The following TTC14 variants were observed in gnomAD, a reference collection of about 807,000 sequenced individuals.
The protein encoded by TTC14 is tetratricopeptide repeat protein 14.
TTC14 carries 63 observed loss-of-function variants against 79.9 expected under a neutral mutation model. The observed-to-expected ratio is 0.79, with a 90% confidence interval of 0.64 to 0.97. TTC14 has a LOEUF of 0.97. TTC14 is among the 50% of genes least tolerant of loss of function. TTC14 has a pLI of 0.00. For missense variants in TTC14, 895 were observed against 894.0 expected (o/e 1.00, Z -0.01); for synonymous variants, 335 against 309.6 (o/e 1.08, Z -0.86).
downstream of TTC14, among the ~76,000 whole-genome samples, chr3:180,613,302 T>G (rs899364417): frequency 2.6e-5 from 4 of 152,200 alleles, no homozygotes; most frequent in African/African-American, 9.6e-5. Flanking sequence ...GAAGCATGAC[T>G]TTTGGATATG....
rs1328165019 is a variant in TTC14, at chr3:180,611,042, A to G, written c.*500A>G. 1 of 954,066 alleles carries G rather than the reference A, an allele frequency of 1.0e-6. No homozygotes were observed. Among genetic ancestry groups the G allele is most frequent in the Admixed American group, 6.2e-5 (1 of 16,224 alleles). 59.1% of individuals were successfully genotyped at this position (954,066 alleles called of 1,614,324 possible). A position where few individuals can be genotyped will look rare whatever the true frequency, so the allele number is the denominator to read the frequency against. ...AGTTTAAATATTACATTTTTTGCCC[A>G]ATTTTTTTTAAAATTTTTAAATGGT... On this transcript the variant is annotated 3_prime_UTR_variant, in exon 12 of 12. Coordinates refer to ENST00000296015, the MANE Select transcript of TTC14 (RefSeq NM_133462.4).
chr3:180,602,380 A>G lies in TTC14; in HGVS notation c.119A>G (p.Glu40Gly). The change falls in exon 1 of 12, where the codon GAG becomes GGG. Residue 40 changes from glutamate (E) to glycine (G), a missense_variant. Coordinates refer to ENST00000296015, the MANE Select transcript of TTC14 (RefSeq NM_133462.4). ...HFRSLLGSAA[E>G]PARGPPPQHP... ...CGTAGCCTCCTGGGGTCGGCCGCCG[A>G]GCCAGCCCGGGGCCCGCCGCCCCAG... is the stretch of plus-strand genomic sequence containing the variant. The G allele has an allele frequency of 1.2e-6, 2 of 1,610,770 alleles. No individual in the cohort carries two copies. Among genetic ancestry groups the G allele is most frequent in the Non-Finnish European group, 1.7e-6 (2 of 1,179,588 alleles).
rs966603817 is a variant in TTC14, at chr3:180,610,717, T to C, written c.*175T>C. ...AAATTTTGTTTCAGTTCTAGGTCCCTTGTCACAGCTTGGTTTTTAGACTTT... is the reference window on the plus strand; with the variant it reads ...AAATTTTGTTTCAGTTCTAGGTCCCCTGTCACAGCTTGGTTTTTAGACTTT... On this transcript the variant is annotated 3_prime_UTR_variant, in exon 12 of 12. Coordinates refer to ENST00000296015, the MANE Select transcript of TTC14 (RefSeq NM_133462.4). 1 of 1,332,276 alleles carries C rather than the reference T, an allele frequency of 7.5e-7. No individual in the cohort carries two copies. The highest frequency in any genetic ancestry group is 9.6e-7 in the Non-Finnish European group (1 of 1,043,858). The allele number at this position is 1,332,276 out of a possible 1,614,324, so 82.5% of individuals were successfully genotyped here.
Position 180,609,832 on chromosome 3 carries a change from GA to G in TTC14, c.1604del (p.Glu535GlyfsTer37), listed in dbSNP as rs1355616531. ...TCAGATAGATCAGAATAGGAAAGAT[GA>G]GTGCTACCCAGTTCCAGCTAATACT... Reference protein sequence around the residue: ...SNQIDQNRKDECYPVPANTSA... With the variant: ...SNQIDQNRKDXCYPVPANTSA... On this transcript the variant is annotated frameshift_variant, in exon 12 of 12. Transcript: ENST00000296015. LOFTEE classifies it high-confidence loss of function. The G allele has an allele frequency of 2.5e-6, 4 of 1,613,486 alleles. No homozygotes were observed. The highest frequency in any genetic ancestry group is 2.7e-5 in the African/African-American group (2 of 74,892).
intron 9 of TTC14, among the ~76,000 whole-genome samples, 186 bp from the exon 10 acceptor site, chr3:180,607,462 A>T (rs1018397756): frequency 1.3e-5 from 2 of 152,130 alleles, no homozygotes; most frequent in Non-Finnish European, 2.9e-5. Context: ...TACTAGTAAG[A>T]TTTCTGTTTA....
chr3:180,609,311 C>G (rs1214559026), intron 11 of TTC14: 5 of 1,032,220 alleles, frequency 4.8e-6, no homozygotes, highest in Non-Finnish European at 5.8e-6. Context: ...GTGAAGAAAC[C>G]ATGAACTAGA....
chr3:180,611,369 G>A (rs1361481660), downstream of TTC14, among the ~76,000 whole-genome samples: 1 of 152,134 alleles, frequency 6.6e-6, no homozygotes, highest in South Asian at 2.1e-4. Context: ...TGTAAATCTG[G>A]CTTTTCTTTA....
chr3:180,604,684 G>T, intron 5 of TTC14, 77 bp downstream of exon 5: 1 of 1,491,726 alleles, frequency 6.7e-7, no homozygotes, highest in Non-Finnish European at 9.0e-7. Context: ...TTTTTATAAC[G>T]GTTAAATTAC....
At chr3:180,614,948 A>G (rs1242290618), downstream of TTC14, 3 of 1,566,334 alleles carry the variant, frequency 1.9e-6, no homozygotes, top group Non-Finnish European at 1.7e-6. Context: ...TGCTCTTAAC[A>G]TTACTAGAGC....
At chr3:180,616,178 G>C (rs1274132153) in intron 12 of TTC14, 1 of 889,752 alleles carries the variant, frequency 1.1e-6, no homozygotes, top group Non-Finnish European at 1.9e-6. Flanking sequence ...CTGGCAGTGA[G>C]TGCATGGGCC....
Position 180,610,271 on chromosome 3 carries a change from CAGTTGAGAAATACAAAAAAT to C in TTC14, c.2044_2063del (p.Val682ArgfsTer7), listed in dbSNP as rs1716923198. 6.2e-7 allele frequency: 1 copy of C among 1,613,640 alleles called. No homozygotes were observed. Reference sequence around the variant, plus strand: ...GCAAGCTCAGAATACTCTTGGAAGTCAGTTGAGAAATACAAAAAATACGCTCACTCTGGATCACGTGATTT... The same window carrying C: ...GCAAGCTCAGAATACTCTTGGAAGTCACGCTCACTCTGGATCACGTGATTT... On this transcript the variant is annotated frameshift_variant, in exon 12 of 12. Transcript: ENST00000296015. LOFTEE classifies it high-confidence loss of function.
chr3:180,616,670 CG>C, intron 12 of TTC14: 1 of 1,590,846 alleles, frequency 6.3e-7, no homozygotes, highest in South Asian at 1.1e-5. Flanking sequence ...TTTCAAAAGA[CG>C]GATTTCCTTT....
chr3:180,602,571 G>C (rs1358754526), intron 1 of TTC14, 149 bp downstream of exon 1: 12 of 1,104,290 alleles, frequency 1.1e-5, no homozygotes, highest in Non-Finnish European at 1.4e-5. Flanking sequence ...CTGGGTGGAC[G>C]GGGGGCGCTC....
rs370963310 is a variant in TTC14 at position 180,604,326 on chromosome 3, T to C, written c.571+17T>C. The C allele has an allele frequency of 6.2e-6, 10 of 1,601,208 alleles. No individual in the cohort carries two copies. In the African/African-American group the frequency reaches 1.1e-4, roughly 17 times the overall value. On this transcript the variant is annotated intron_variant, in intron 4 of 11. Transcript: ENST00000296015. ...TCATTCGAGGTGATTAGTTTCATCATACTAATAAAAAAGTAATGATTGTTG... is the reference window on the plus strand; with the variant it reads ...TCATTCGAGGTGATTAGTTTCATCACACTAATAAAAAAGTAATGATTGTTG...
intron 1 of TTC14, 199 bp downstream of exon 1, chr3:180,602,621 C>T: frequency 1.3e-6 from 1 of 763,606 alleles, no homozygotes; most frequent in Non-Finnish European, 2.0e-6. Flanking sequence ...AACTTTTTCT[C>T]TGGCACTGCT....
chr3:180,613,677 C>A, downstream of TTC14: 1 of 343,284 alleles, frequency 2.9e-6, no homozygotes, highest in South Asian at 2.3e-5. Context: ...AATATTACTT[C>A]AAGTTTTAAG....
At position 180,605,836 on chromosome 3, in the gene TTC14, T is replaced by C; in HGVS notation, c.928T>C (p.Cys310Arg). 6.3e-7 allele frequency: 1 copy of C among 1,576,738 alleles called. No homozygotes were observed. The change falls in exon 7 of 12, where the codon TGT becomes CGT. Residue 310 changes from cysteine to arginine, a missense_variant and splice_region_variant. Transcript: ENST00000296015. The stretch of plus-strand genomic sequence containing the variant: ...ACAATCCGCATCTTGGGCTTTAAAA[T>C]GGTATGAAGACTGTCTTTCAACAAT... ...KKQSASWALK[C>R]VKIGVDYFKV...
rs768394346 is a variant in TTC14 at position 180,606,132 on chromosome 3, A to T, written c.930-121A>T. 15 of 1,362,886 alleles carry T rather than the reference A, an allele frequency of 1.1e-5. No homozygotes were observed. The African/African-American group carries it at 1.5e-4, about 13-fold the overall frequency. 84.4% of individuals were successfully genotyped at this position (1,362,886 alleles called of 1,614,324 possible). A position where few individuals can be genotyped will look rare whatever the true frequency, so the allele number is the denominator to read the frequency against. On this transcript the variant is annotated intron_variant, in intron 7 of 11. Transcript: ENST00000296015. ...AACGTTCCTTAGGTATATTGTGAGT[A>T]CTCTGAAAACTAAATATTTTGCCAA...
downstream of TTC14, among the ~76,000 whole-genome samples, chr3:180,613,150 T>G (rs944992339): frequency 2.0e-5 from 3 of 152,320 alleles, no homozygotes; most frequent in East Asian, 5.8e-4. Context: ...TTATGCCATA[T>G]TAAGCAGAGT....
Sources: gnomAD v4.1 joint callset for allele counts (sites outside exome capture counted in the v4.1 genomes callset) on GRCh38, gnomAD v4.1.1 for gene constraint, MANE v1.5 for transcripts, NCBI Gene and HGNC (gene_info 2026-07-23, HGNC 2026-07-21) for gene names.